Variants in TEAD4 observed in about 807,000 individuals in gnomAD.
TEAD4 encodes transcriptional enhancer factor TEF-3.
Under a neutral mutation model 52.4 loss-of-function variants are expected in TEAD4, and 36 were observed. The ratio of observed to expected loss-of-function variants is 0.69; its 90% CI spans 0.53 to 0.91. TEAD4 has a LOEUF of 0.91. Among genes scored for constraint, TEAD4 ranks in the 40% least tolerant of loss-of-function variants. The pLI is 0.00. For missense variants in TEAD4, 508 were observed against 583.9 expected, an observed-to-expected ratio of 0.87 and a Z score of 1.34; for synonymous variants, 220 against 231.0, an observed-to-expected ratio of 0.95 and a Z score of 0.43.
Position 3,021,863 on chromosome 12 carries a change from T to A in TEAD4, c.743T>A (p.Val248Glu), listed in dbSNP as rs1415302307. 1 of 1,614,218 alleles carries A rather than the reference T, an allele frequency of 6.2e-7. No individual in the cohort carries two copies. Among genetic ancestry groups the A allele is most frequent in the Admixed American group, 1.7e-5 (1 of 60,026 alleles). ...CCACAGTACAACAAGCACCTGTTCGTGCACATTGGCCAGTCCAGCCCAAGC... is the reference window on the plus strand; with the variant it reads ...CCACAGTACAACAAGCACCTGTTCGAGCACATTGGCCAGTCCAGCCCAAGC... Residue 248 changes from valine to glutamate, a missense_variant, in exon 10 of 13, where the codon GTG becomes GAG. Coordinates refer to ENST00000359864, the MANE Select transcript of TEAD4 (RefSeq NM_003213.4).
At chr12:2,962,301 A>AATATAT (rs1555118307) in intron 2 of TEAD4, among the ~76,000 whole-genome samples, 15 of 29,600 alleles carry the variant, frequency 5.1e-4, no homozygotes, top group East Asian at 1.7e-3. Context: ...TATATATATA[A>AATATAT]ATATAAATAT....
chr12:3,027,046 G>A (rs1324500677), intron 10 of TEAD4, among the ~76,000 whole-genome samples: 1 of 152,110 alleles, frequency 6.6e-6, no homozygotes, highest in Non-Finnish European at 1.5e-5. Flanking sequence ...AGGTTGGAGT[G>A]CAGTGGTGTG....
chr12:3,033,082 G>A (rs149348000), intron 10 of TEAD4, among the ~76,000 whole-genome samples: 7 of 152,182 alleles, frequency 4.6e-5, no homozygotes, highest in Non-Finnish European at 4.4e-5. Flanking sequence ...CTGCCTGGCT[G>A]TTTTCTCAGT....
At chr12:2,965,386 C>T (rs2098219385) in intron 2 of TEAD4, among the ~76,000 whole-genome samples, 1 of 151,938 alleles carries the variant, frequency 6.6e-6, no homozygotes, top group Non-Finnish European at 1.5e-5. Context: ...ACTCAAACTC[C>T]TGGGCTCAAG....
rs2098213600 is a variant in TEAD4 at position 2,959,683 on chromosome 12, C to G, written c.-123+202C>G. On this transcript the variant is annotated intron_variant, in intron 1 of 12. Transcript: ENST00000359864. The surrounding 1 kb of genome is among the most constrained non-coding windows in gnomAD (Gnocchi z 5.1). ...CGCGCTCCGGCGCTGCTCGCTGCCC[C>G]TCTCCCGCTTCCCTCCTGTCCGCCC... 6.6e-6 allele frequency: 1 copy of G among 152,086 alleles called. No individual in the cohort carries two copies. 9.4% of individuals were successfully genotyped at this position (152,086 alleles called of 1,614,324 possible). A position where few individuals can be genotyped will look rare whatever the true frequency, so the allele number is the denominator to read the frequency against.
In TEAD4 at chr12:2,995,006, C is replaced by G. The variant is rs778768740; in HGVS notation, c.226+14C>G. The G allele has an allele frequency of 1.2e-6, 2 of 1,610,896 alleles. No homozygotes were observed. Among genetic ancestry groups the G allele is most frequent in the African/African-American group, 1.3e-5 (1 of 74,932 alleles). On this transcript the variant is annotated intron_variant, in intron 3 of 12. Transcript: ENST00000359864. ...GCAAGATGTATGGTAAGGAGCCCGT[C>G]GGGTTCAGCCCTGTACCTGAGGCTG...
At chr12:3,008,629 G>A (rs577643576) in intron 3 of TEAD4, among the ~76,000 whole-genome samples, 1 of 152,292 alleles carries the variant, frequency 6.6e-6, no homozygotes, top group South Asian at 2.1e-4. Context: ...GGAGGGTGCG[G>A]TGGTGCACAG....
At chr12:2,985,810 G>A (rs1019842042) in intron 2 of TEAD4, among the ~76,000 whole-genome samples, 11 of 152,092 alleles carry the variant, frequency 7.2e-5, no homozygotes, top group Admixed American at 6.5e-4. Flanking sequence ...TACCAGCCGG[G>A]CGTGGTGGCT....
At chr12:3,016,815 G>A (rs2098264870) in intron 5 of TEAD4, among the ~76,000 whole-genome samples, 1 of 152,148 alleles carries the variant, frequency 6.6e-6, no homozygotes, top group South Asian at 2.1e-4. Flanking sequence ...GGCCTATTCA[G>A]GGTGAACCCA....
Position 3,012,203 on chromosome 12 carries a change from A to G in TEAD4, c.325A>G (p.Lys109Glu). 6.2e-7 allele frequency: 1 copy of G among 1,614,102 alleles called. No individual in the cohort carries two copies. The highest frequency in any genetic ancestry group is 8.5e-7 in the Non-Finnish European group (1 of 1,179,984). ...CCACATCCAGGTGCTGGCTCGTCGC[A>G]AAGCTCGCGAGATCCAGGCCAAGCT... Residue 109 changes from lysine (K) to glutamate (E), a missense_variant, in exon 5 of 13, where the codon AAA becomes GAA. Physicochemically the swap from Lys to Glu is moderately conservative, Grantham distance 56. Transcript: ENST00000359864.
At chr12:3,025,749 C>G (rs983628593) in intron 10 of TEAD4, among the ~76,000 whole-genome samples, 2 of 152,070 alleles carry the variant, frequency 1.3e-5, no homozygotes, top group African/African-American at 4.8e-5. Flanking sequence ...GTTGGCCAGG[C>G]TGGTCTTGAA....
At chr12:3,039,090 C>G (rs1272385263) in intron 11 of TEAD4, among the ~76,000 whole-genome samples, 1 of 152,184 alleles carries the variant, frequency 6.6e-6, no homozygotes, top group African/African-American at 2.4e-5. Context: ...CAGCCAGATG[C>G]CCGGCCAGCA....
intron 2 of TEAD4, chr12:2,960,475 T>A: frequency 1.8e-6 from 1 of 568,722 alleles, no homozygotes; most frequent in South Asian, 7.8e-5. Context: ...AGTGGATCGA[T>A]CCAGGGAGCA....
chr12:3,023,530 G>C (rs935328754), intron 10 of TEAD4, among the ~76,000 whole-genome samples: 4 of 151,918 alleles, frequency 2.6e-5, no homozygotes, highest in African/African-American at 9.7e-5. Context: ...GCTCATGCCT[G>C]TAATCCCAGC....
At chr12:3,019,311 T>C (rs2098266957) in intron 8 of TEAD4, 141 bp downstream of exon 8, 2 of 937,694 alleles carry the variant, frequency 2.1e-6, no homozygotes, top group Non-Finnish European at 3.3e-6. Flanking sequence ...TCCTAGTCCC[T>C]GGCCACACCC....
chr12:2,990,703 T>A (rs2098242331), intron 2 of TEAD4, among the ~76,000 whole-genome samples: 1 of 152,076 alleles, frequency 6.6e-6, no homozygotes, highest in Non-Finnish European at 1.5e-5. Context: ...TGACCTCAAG[T>A]GATCCGTCTG....
chr12:2,981,518 G>A (rs1268281971), intron 2 of TEAD4, among the ~76,000 whole-genome samples: 3 of 152,160 alleles, frequency 2.0e-5, no homozygotes, highest in African/African-American at 7.2e-5. Context: ...CTTGTGCCCT[G>A]TACCTACCTC....
chr12:2,962,342 A>ATAAATATATATATATATG (rs1565518279), intron 2 of TEAD4, among the ~76,000 whole-genome samples: 44 of 96,786 alleles, frequency 4.5e-4, no homozygotes, highest in African/African-American at 1.7e-3. Flanking sequence ...AAATATATAT[A>ATAAATATATATATATATG]TATATTTTTT....
intron 10 of TEAD4, among the ~76,000 whole-genome samples, chr12:3,036,572 C>T (rs1362085425): frequency 1.3e-5 from 2 of 152,164 alleles, no homozygotes; most frequent in Admixed American, 1.3e-4. Context: ...TTGACCAAGG[C>T]CTGACGCTTT....
Sources: allele counts gnomAD v4.1 joint callset (sites outside exome capture counted in the v4.1 genomes callset), GRCh38; gene constraint gnomAD v4.1.1; non-coding constraint Gnocchi (gnomAD v3.1); transcripts MANE v1.5; gene names NCBI Gene and HGNC (gene_info 2026-07-23, HGNC 2026-07-21).